The following STX12 variants were observed in gnomAD, a reference collection of about 807,000 sequenced individuals.
STX12 encodes the protein syntaxin-12.
STX12 carries 17 observed loss-of-function variants against 42.2 expected under a neutral mutation model. The ratio of observed to expected loss-of-function variants is 0.40; its 90% CI spans 0.28 to 0.60. STX12 has a LOEUF of 0.60. STX12 is among the 20% of genes least tolerant of loss of function. The probability of loss-of-function intolerance (pLI) is 0.39; values close to 1 mark genes in which losing one functional copy is unlikely to be tolerated. For missense variants in STX12, 297 were observed against 330.9 expected (o/e 0.90, Z 0.79); for synonymous variants, 108 against 116.7 (o/e 0.93, Z 0.48).
chr1:27,791,675 C>A (rs1253990531), intron 2 of STX12, among the ~76,000 whole-genome samples: 3 of 151,910 alleles, frequency 2.0e-5, no homozygotes, highest in Non-Finnish European at 4.4e-5. Context: ...ATTAGCCAGG[C>A]GTGGTGGCAC....
At chr1:27,816,246 G>A (rs931167889) in intron 6 of STX12, among the ~76,000 whole-genome samples, 3 of 152,060 alleles carry the variant, frequency 2.0e-5, no homozygotes, top group South Asian at 2.1e-4. Context: ...CCCAGGAGGC[G>A]GAAGTTGCAG....
chr1:27,783,176 G>T (rs1248169629), intron 1 of STX12, among the ~76,000 whole-genome samples: 2 of 152,130 alleles, frequency 1.3e-5, no homozygotes, highest in Non-Finnish European at 2.9e-5. Context: ...AGTACAAAAA[G>T]AATTTTCAGT....
intron 4 of STX12, 195 bp from the exon 5 acceptor site, chr1:27,810,051 T>C (rs930170517): frequency 3.8e-6 from 2 of 520,534 alleles, no homozygotes; most frequent in Non-Finnish European, 6.9e-6. Context: ...GGACTCAAAC[T>C]GGAATGCAGA....
At chr1:27,779,142 A>T (rs574959352) in intron 1 of STX12, among the ~76,000 whole-genome samples, 1 of 152,222 alleles carries the variant, frequency 6.6e-6, no homozygotes, top group South Asian at 2.1e-4. Flanking sequence ...TTAAGTATTC[A>T]TCAGCTCAAC....
intron 4 of STX12, among the ~76,000 whole-genome samples, chr1:27,802,676 C>A (rs1186463909): frequency 6.6e-6 from 1 of 151,998 alleles, no homozygotes; most frequent in African/African-American, 2.4e-5. Flanking sequence ...AGAAAGACAC[C>A]TTTATCCTAG....
intron 7 of STX12, among the ~76,000 whole-genome samples, chr1:27,819,093 T>G (rs1411235478): frequency 2.0e-5 from 3 of 151,784 alleles, no homozygotes; most frequent in Non-Finnish European, 4.4e-5. Flanking sequence ...CTAGGCAACA[T>G]AGTAAGACCC....
chr1:27,773,472 G>A, intron 1 of STX12, 47 bp downstream of exon 1: 1 of 1,572,862 alleles, frequency 6.4e-7, no homozygotes, highest in Non-Finnish European at 8.7e-7. Context: ...CCCGGGGACA[G>A]GCCTGGGTGA....
intron 1 of STX12, among the ~76,000 whole-genome samples, chr1:27,781,798 A>G (rs2088669579): frequency 6.6e-6 from 1 of 152,166 alleles, no homozygotes; most frequent in African/African-American, 2.4e-5. Context: ...AGTGCCTGGA[A>G]CAACAATGCA....
chr1:27,806,021 TG>T (rs1326566490), intron 4 of STX12, among the ~76,000 whole-genome samples: 1 of 152,212 alleles, frequency 6.6e-6, no homozygotes, highest in Non-Finnish European at 1.5e-5. Flanking sequence ...ATTTATCATT[TG>T]GATAGTATTG....
intron 1 of STX12, among the ~76,000 whole-genome samples, chr1:27,783,303 G>C (rs114436162): frequency 6.6e-6 from 1 of 152,200 alleles, no homozygotes; most frequent in Non-Finnish European, 1.5e-5. Flanking sequence ...TCAGCGATAG[G>C]AGAAATTGAG....
At chr1:27,819,924 G>T (rs900163620) in intron 8 of STX12, 192 bp downstream of exon 8, 15 of 508,530 alleles carry the variant, frequency 2.9e-5, no homozygotes, top group Non-Finnish European at 1.4e-5. Context: ...ATCACACCTT[G>T]AATAAACTTA....
Position 27,773,279 on chromosome 1 carries a change from G to A in STX12, c.-29G>A. The A allele has an allele frequency of 1.3e-6, 2 of 1,485,512 alleles. No homozygotes were observed. The highest frequency in any genetic ancestry group is 2.4e-5 in the East Asian group (1 of 42,412). 92.0% of individuals were successfully genotyped at this position (1,485,512 alleles called of 1,614,324 possible). ...CGGCTGCTTCCGGTAGGAGAGCGGT[G>A]TAGAGCGAGCAGGTCTCAGCTCCTC... On this transcript the variant is annotated 5_prime_UTR_variant, in exon 1 of 9. Coordinates refer to ENST00000373943, the MANE Select transcript of STX12 (RefSeq NM_177424.3).
At chr1:27,820,281 C>G (rs962337129) in intron 8 of STX12, 1 of 152,170 alleles carries the variant, frequency 6.6e-6, no homozygotes, top group African/African-American at 2.4e-5. Context: ...TTTCTCACTT[C>G]CCTTCAATTT....
At chr1:27,797,463 C>A (rs892771811) in intron 3 of STX12, among the ~76,000 whole-genome samples, 8 of 152,132 alleles carry the variant, frequency 5.3e-5, no homozygotes, top group African/African-American at 1.9e-4. Flanking sequence ...CTCTGGAGAT[C>A]CCCAGGTTGA....
At chr1:27,796,119 T>G (rs2088784407) in intron 3 of STX12, among the ~76,000 whole-genome samples, 1 of 152,216 alleles carries the variant, frequency 6.6e-6, no homozygotes, top group Non-Finnish European at 1.5e-5. Context: ...TTCCTTTCCA[T>G]TATCTTGGAT....
At chr1:27,783,545 C>G (rs2088681919) in intron 1 of STX12, among the ~76,000 whole-genome samples, 2 of 152,090 alleles carry the variant, frequency 1.3e-5, no homozygotes, top group Admixed American at 1.3e-4. Context: ...TGTTGGCCAG[C>G]CTTGTCTCAA....
intron 3 of STX12, 91 bp from the exon 4 acceptor site, chr1:27,801,587 T>C: frequency 2.3e-6 from 3 of 1,328,838 alleles, no homozygotes; most frequent in Non-Finnish European, 2.9e-6. Context: ...GTTGGAAATC[T>C]TTAAGGGGTA....
At chr1:27,778,074 C>T (rs2148595941) in intron 1 of STX12, among the ~76,000 whole-genome samples, 1 of 152,228 alleles carries the variant, frequency 6.6e-6, no homozygotes, top group East Asian at 1.9e-4. Flanking sequence ...ATATATATTA[C>T]CCACACACCC....
At chr1:27,779,590 C>G (rs1056018180) in intron 1 of STX12, among the ~76,000 whole-genome samples, 1 of 152,040 alleles carries the variant, frequency 6.6e-6, no homozygotes, top group Admixed American at 6.6e-5. Flanking sequence ...CCTCGGCCTC[C>G]GAAAGTGCTG....
Sources: allele counts gnomAD v4.1 joint callset (sites outside exome capture counted in the v4.1 genomes callset), GRCh38; gene constraint gnomAD v4.1.1; transcripts MANE v1.5; gene names NCBI Gene and HGNC (gene_info 2026-07-23, HGNC 2026-07-21).